Variants in SCTR observed in about 807,000 individuals in gnomAD.
The protein encoded by SCTR is pancreatic secretin receptor.
In SCTR, 56 loss-of-function variants were observed where a neutral mutation model predicts 60.8. The ratio of observed to expected loss-of-function variants is 0.92; its 90% CI spans 0.74 to 1.15. The LOEUF (loss-of-function observed/expected upper bound fraction) is 1.15, where lower values mean the gene tolerates loss of function less well. SCTR is among the 50% of genes most tolerant of loss of function. The pLI is 0.00. For missense variants in SCTR, 562 were observed against 550.4 expected (o/e 1.02, Z -0.21); for synonymous variants, 202 against 217.0 (o/e 0.93, Z 0.61).
At position 119,439,995 on chromosome 2, in the gene SCTR, G is replaced by T; in HGVS notation, c.*122C>A. On this transcript the variant is annotated 3_prime_UTR_variant, in exon 13 of 13. Coordinates refer to ENST00000019103, the MANE Select transcript of SCTR (RefSeq NM_002980.3). ...CGGAAGAGTCCAAGGCCTGGGGAGG[G>T]GCATCTTCAGCTGAAGGAGGACACA... 1 of 1,015,916 alleles carries T rather than the reference G, an allele frequency of 9.8e-7. No homozygotes were observed. 62.9% of individuals were successfully genotyped at this position (1,015,916 alleles called of 1,614,324 possible). A position where few individuals can be genotyped will look rare whatever the true frequency, so the allele number is the denominator to read the frequency against.
chr2:119,497,344 C>G (rs1484655696), intron 1 of SCTR, among the ~76,000 whole-genome samples: 70 of 149,692 alleles, frequency 4.7e-4, no homozygotes, highest in Non-Finnish European at 8.9e-5. Context: ...CCCACTTCCC[C>G]TCTCAAAAAA....
intron 7 of SCTR, among the ~76,000 whole-genome samples, 194 bp from the exon 8 acceptor site, chr2:119,453,541 T>C (rs985221921): frequency 6.6e-6 from 1 of 152,250 alleles, no homozygotes; most frequent in Non-Finnish European, 1.5e-5. Context: ...GTGCCGGGCA[T>C]GCCCTGGGGA....
intron 2 of SCTR, among the ~76,000 whole-genome samples, chr2:119,493,003 G>C (rs577262755): frequency 6.6e-6 from 1 of 152,022 alleles, no homozygotes; most frequent in South Asian, 2.1e-4. Context: ...AATTACAGGT[G>C]CCCACCACCA....
At chr2:119,455,912 C>A (rs1683356986) in intron 7 of SCTR, among the ~76,000 whole-genome samples, 1 of 152,080 alleles carries the variant, frequency 6.6e-6, no homozygotes, top group Non-Finnish European at 1.5e-5. Flanking sequence ...CACAGCACAT[C>A]CCTGTGACAT....
chr2:119,469,446 C>G (rs933856131), intron 4 of SCTR, among the ~76,000 whole-genome samples: 10 of 152,158 alleles, frequency 6.6e-5, no homozygotes, highest in African/African-American at 2.4e-4. Context: ...CACCCAGAAA[C>G]AGCCTTGCTC....
intron 9 of SCTR, among the ~76,000 whole-genome samples, chr2:119,450,560 AG>A (rs1420559318): frequency 6.6e-6 from 1 of 152,256 alleles, no homozygotes; most frequent in African/African-American, 2.4e-5. Flanking sequence ...AACCTAATTA[AG>A]GATTTTGAAA....
intron 1 of SCTR, among the ~76,000 whole-genome samples, chr2:119,503,733 A>G (rs1020918664): frequency 6.6e-6 from 1 of 152,170 alleles, no homozygotes; most frequent in African/African-American, 2.4e-5. Context: ...GATACATGTC[A>G]TTATACATTT....
chr2:119,441,424 C>T, intron 12 of SCTR, 134 bp downstream of exon 12: 1 of 700,558 alleles, frequency 1.4e-6, no homozygotes, highest in Non-Finnish European at 2.5e-6. Context: ...GCCAAGCCAC[C>T]TGCCACCAGA....
At chr2:119,507,676 T>TTC (rs1678788040) in intron 1 of SCTR, among the ~76,000 whole-genome samples, 2 of 131,052 alleles carry the variant, frequency 1.5e-5, no homozygotes, top group East Asian at 3.5e-4. Flanking sequence ...TTTTTTTTTT[T>TTC]TTTCTTTTTT....
intron 1 of SCTR, among the ~76,000 whole-genome samples, chr2:119,519,660 G>A (rs1423402298): frequency 6.6e-6 from 1 of 151,674 alleles, no homozygotes; most frequent in Non-Finnish European, 1.5e-5. Flanking sequence ...ACAAAAATTA[G>A]CCAGACATTG....
intron 9 of SCTR, 77 bp from the exon 10 acceptor site, chr2:119,448,857 C>A (rs1041005478): frequency 5.1e-6 from 4 of 782,598 alleles, no homozygotes; most frequent in Non-Finnish European, 8.8e-6. Flanking sequence ...GTCCCCTGGA[C>A]CTGAGGGCAG....
chr2:119,522,545 C>T (rs927698672), intron 1 of SCTR, among the ~76,000 whole-genome samples: 1 of 152,102 alleles, frequency 6.6e-6, no homozygotes, highest in Non-Finnish European at 1.5e-5. Context: ...AATGAAGCAT[C>T]CTTCCAAGGT....
intron 1 of SCTR, among the ~76,000 whole-genome samples, chr2:119,518,082 AAG>A (rs1679170412): frequency 6.6e-6 from 1 of 152,142 alleles, no homozygotes; most frequent in African/African-American, 2.4e-5. Context: ...GGCCATGTGC[AAG>A]CCAGGAAGAG....
chr2:119,494,583 C>G, intron 1 of SCTR, 35 bp from the exon 2 acceptor site: 1 of 1,611,038 alleles, frequency 6.2e-7, no homozygotes, highest in Middle Eastern at 1.7e-4. Flanking sequence ...TCATCATTGC[C>G]ACTAACTCAA....
chr2:119,492,129 ATTC>A (rs146103978), intron 2 of SCTR, among the ~76,000 whole-genome samples: 1,724 of 152,302 alleles, frequency 0.011, 5 homozygotes, highest in Non-Finnish European at 0.019. Context: ...AAATGCAGGT[ATTC>A]TTCTCTCCTC....
chr2:119,464,931 G>A (rs1683768780), intron 5 of SCTR, among the ~76,000 whole-genome samples: 1 of 152,170 alleles, frequency 6.6e-6, no homozygotes, highest in Non-Finnish European at 1.5e-5. Flanking sequence ...ATATGACCTT[G>A]AGCAAGACTT....
rs190688425 is a variant in SCTR, at chr2:119,455,770, C to G, written c.791-2423G>C. 8.5e-5 allele frequency among the ~76,000 whole-genome samples: 13 copies of G among 152,054 alleles called. No homozygotes were observed. In the East Asian group the frequency reaches 2.3e-3, roughly 27 times the overall value. Reference sequence around the variant, plus strand: ...TTAGACTAAAGGGAGTTTCAGAAAACAGAGGATAAAAAACAGAAGGAAAAA... The same window carrying G: ...TTAGACTAAAGGGAGTTTCAGAAAAGAGAGGATAAAAAACAGAAGGAAAAA... On this transcript the variant is annotated intron_variant, in intron 7 of 12. Coordinates refer to ENST00000019103, the MANE Select transcript of SCTR (RefSeq NM_002980.3).
intron 1 of SCTR, among the ~76,000 whole-genome samples, chr2:119,499,996 A>G (rs998533519): frequency 6.6e-6 from 1 of 152,162 alleles, no homozygotes; most frequent in South Asian, 2.1e-4. Flanking sequence ...AGACAACTCA[A>G]TAGCAAAAAT....
rs114305457 is a variant in SCTR, at chr2:119,474,600, C to T, written c.302-1044G>A. Among the ~76,000 whole-genome samples, 893 of 152,332 alleles carry T rather than the reference C, an allele frequency of 5.9e-3. 4 individuals are homozygous for T. The highest frequency in any genetic ancestry group is 0.017 in the African/African-American group (726 of 41,570). On this transcript the variant is annotated intron_variant, in intron 3 of 12. Transcript: ENST00000019103. ...GCCACCCCTTTGCTCTCACTGGAGCCTTAACAGCCCCAGCTGAGCGTGGCA... is the reference window on the plus strand; with the variant it reads ...GCCACCCCTTTGCTCTCACTGGAGCTTTAACAGCCCCAGCTGAGCGTGGCA...
Sources: allele counts gnomAD v4.1 joint callset (sites outside exome capture counted in the v4.1 genomes callset), GRCh38; gene constraint gnomAD v4.1.1; transcripts MANE v1.5; gene names NCBI Gene and HGNC (gene_info 2026-07-23, HGNC 2026-07-21).